Variants in ZCCHC2 observed in about 807,000 individuals in gnomAD.
ZCCHC2 encodes zinc finger CCHC-type containing 2.
Under a neutral mutation model 103.6 loss-of-function variants are expected in ZCCHC2, and 39 were observed. The observed-to-expected ratio is 0.38, with a 90% CI of 0.29 to 0.49. The LOEUF is 0.49. Ranked by LOEUF, ZCCHC2 falls within the 20% of genes least tolerant of loss-of-function variation. ZCCHC2 has a pLI of 0.96. For missense variants in ZCCHC2, 1,483 were observed against 1,491.0 expected, an observed-to-expected ratio of 0.99 and a Z score of 0.09; for synonymous variants, 687 against 608.9, an observed-to-expected ratio of 1.13 and a Z score of -1.89.
chr18:62,565,423 C>G (rs1214524110), intron 11 of ZCCHC2, among the ~76,000 whole-genome samples: 4 of 152,138 alleles, frequency 2.6e-5, no homozygotes, highest in South Asian at 2.1e-4. Context: ...GGAGATCTCT[C>G]CTGTGGCTTT....
intron 11 of ZCCHC2, among the ~76,000 whole-genome samples, chr18:62,567,924 G>A (rs187982666): frequency 2.2e-4 from 22 of 99,392 alleles, no homozygotes; most frequent in African/African-American, 1.0e-3. Context: ...CAGCCGGGGC[G>A]ACAGAATGAG....
Position 62,523,994 on chromosome 18 carries a change from T to A in ZCCHC2, c.570T>A (p.Arg190=), listed in dbSNP as rs1180564081. Residue 190 remains arginine, a synonymous_variant, in exon 1 of 14, where the codon CGT becomes CGA. Transcript: ENST00000269499. The part of the protein sequence containing the change: ...LGSENREAAG[R]LHRLLPQVDS... ...CGGAGAACCGGGAGGCCGCTGGCCGTCTGCACCGCCTGCTACCCCAGGTGG... is the reference window on the plus strand; with the variant it reads ...CGGAGAACCGGGAGGCCGCTGGCCGACTGCACCGCCTGCTACCCCAGGTGG... 6.7e-7 allele frequency: 1 copy of A among 1,489,776 alleles called. No homozygotes were observed. 92.3% of individuals were successfully genotyped at this position (1,489,776 alleles called of 1,614,324 possible).
chr18:62,570,800 TCTG>T (rs1365334788), intron 12 of ZCCHC2, among the ~76,000 whole-genome samples: 2 of 152,236 alleles, frequency 1.3e-5, no homozygotes, highest in Non-Finnish European at 2.9e-5. Context: ...TCTGCCGATC[TCTG>T]CTATTTGTCC....
rs1331200568 is a variant in ZCCHC2 at position 62,565,071 on chromosome 18, G to T, written c.1821G>T (p.Gln607His). The change falls in exon 11 of 14, where the codon CAG becomes CAT. Residue 607 changes from glutamine (Q) to histidine (H), a missense_variant. Physicochemically the swap from Gln to His is conservative, Grantham distance 24 (BLOSUM62 0). Transcript: ENST00000269499. The stretch of plus-strand genomic sequence containing the variant: ...ATGGTATTAGACTCTCCACTCCTCA[G>T]CATGCCCATGGTGGTACTGTGAAAG... The part of the protein sequence containing the change: ...RINGIRLSTP[Q>H]HAHGGTVKDV... 2 of 1,613,294 alleles carry T rather than the reference G, an allele frequency of 1.2e-6. No homozygotes were observed. The highest frequency in any genetic ancestry group is 2.2e-5 in the South Asian group (2 of 91,058).
intron 5 of ZCCHC2, among the ~76,000 whole-genome samples, chr18:62,552,832 G>C (rs1012469822): frequency 6.6e-6 from 1 of 151,202 alleles, no homozygotes; most frequent in African/African-American, 2.4e-5. Flanking sequence ...TGAGGCCGCA[G>C]TGAGCTATGA....
chr18:62,540,938 G>A (rs796703062), intron 2 of ZCCHC2, among the ~76,000 whole-genome samples: 4 of 152,218 alleles, frequency 2.6e-5, no homozygotes, highest in African/African-American at 9.6e-5. Flanking sequence ...GTGTTCCCAT[G>A]TCCTGTAATG....
chr18:62,531,349 G>A (rs1359835263), intron 1 of ZCCHC2, among the ~76,000 whole-genome samples: 1 of 152,144 alleles, frequency 6.6e-6, no homozygotes, highest in Non-Finnish European at 1.5e-5. Context: ...ATGCTCTCGG[G>A]AACATTTGAC....
intron 1 of ZCCHC2, among the ~76,000 whole-genome samples, chr18:62,529,666 A>G (rs1474384270): frequency 6.6e-6 from 1 of 152,142 alleles, no homozygotes; most frequent in East Asian, 1.9e-4. Flanking sequence ...CCCCAGTTAC[A>G]TTTTTCTATG....
At chr18:62,541,874 A>G (rs1241580390) in intron 2 of ZCCHC2, among the ~76,000 whole-genome samples, 1 of 152,196 alleles carries the variant, frequency 6.6e-6, no homozygotes, top group East Asian at 1.9e-4. Flanking sequence ...AAAGTTTAAT[A>G]TAATTTATGT....
At position 62,574,675 on chromosome 18, in the gene ZCCHC2, C is replaced by T. The variant is rs762756414; in HGVS notation, c.2594C>T (p.Thr865Met). The change falls in exon 13 of 14, where the codon ACG becomes ATG. Residue 865 changes from threonine (T) to methionine (M), a missense_variant. Physicochemically the swap from Thr to Met is moderately conservative, Grantham distance 81. Transcript: ENST00000269499. The stretch of plus-strand genomic sequence containing the variant: ...TTCCCAGGCTCTCCTGTTGCTACCA[C>T]GGACCCCATCACAAAATCTGCATCC... ...GSFPGSPVATTDPITKSASQV... is the reference protein window; with the variant it reads ...GSFPGSPVATMDPITKSASQV... 19 of 1,613,912 alleles carry T rather than the reference C, an allele frequency of 1.2e-5. No individual in the cohort carries two copies. Among genetic ancestry groups the T allele is most frequent in the Admixed American group, 5.0e-5 (3 of 60,008 alleles).
chr18:62,583,490 C>T (rs543159534), downstream of ZCCHC2, among the ~76,000 whole-genome samples: 64 of 152,286 alleles, frequency 4.2e-4, no homozygotes, highest in Non-Finnish European at 2.9e-5. Context: ...GTTTTCTTAA[C>T]AGCACCTAGT....
At chr18:62,531,718 A>T (rs987671654) in intron 1 of ZCCHC2, among the ~76,000 whole-genome samples, 1 of 151,740 alleles carries the variant, frequency 6.6e-6, no homozygotes, top group African/African-American at 2.4e-5. Context: ...AGGCTGAGGC[A>T]GAGGGATCGC....
chr18:62,584,423 T>A (rs1917120414), intron 14 of ZCCHC2: 1 of 152,160 alleles, frequency 6.6e-6, no homozygotes, highest in Non-Finnish European at 1.5e-5. Context: ...GGTTCTTCAT[T>A]GTTTTTCTTT....
intron 11 of ZCCHC2, among the ~76,000 whole-genome samples, chr18:62,569,866 G>GT (rs1215691336): frequency 6.6e-6 from 1 of 152,020 alleles, no homozygotes; most frequent in Non-Finnish European, 1.5e-5. Context: ...ACCTTAACTC[G>GT]TTTTTTCTTT....
At chr18:62,558,465 G>A (rs1327948235) in intron 6 of ZCCHC2, 1 of 309,902 alleles carries the variant, frequency 3.2e-6, no homozygotes, top group Non-Finnish European at 6.1e-6. Context: ...GAAATGACTT[G>A]TCCAGGTCAG....
Position 62,574,387 on chromosome 18 carries a change from C to A in ZCCHC2, c.2306C>A (p.Pro769His). 6.2e-7 allele frequency: 1 copy of A among 1,614,016 alleles called. No individual in the cohort carries two copies. The highest frequency in any genetic ancestry group is 8.5e-7 in the Non-Finnish European group (1 of 1,179,892). Residue 769 changes from proline (P) to histidine (H), a missense_variant, in exon 13 of 14, where the codon CCT becomes CAT. By Grantham distance (77) the Pro-to-His change is moderately conservative. Around this residue, in one of 3 missense-constraint regions of ZCCHC2, gnomAD observed 884 missense variants for 907.5 expected, o/e 0.97. Transcript: ENST00000269499. ...SAIRESANST[P>H]VGILGPTACT... is the part of the protein sequence containing the mutation. The stretch of plus-strand genomic sequence containing the variant: ...ATAAGGGAGTCTGCAAATTCAACCC[C>A]TGTTGGAATACTAGGGCCAACAGCT...
downstream of ZCCHC2, among the ~76,000 whole-genome samples, chr18:62,582,262 G>A (rs572120840): frequency 2.1e-4 from 32 of 152,240 alleles, no homozygotes; most frequent in Admixed American, 1.2e-3. Flanking sequence ...CAGGAGGGCC[G>A]AGACTAAGGT....
chr18:62,576,872 T>C lies in ZCCHC2; in HGVS notation c.*293T>C. ...TTTTTTTTTTTTTTACACTGAATAC[T>C]TGCTGTGTGCAATGTTTACTGAATC... On this transcript the variant is annotated 3_prime_UTR_variant, in exon 14 of 14. Transcript: ENST00000269499. 1 of 282,252 alleles carries C rather than the reference T, an allele frequency of 3.5e-6. No individual in the cohort carries two copies. The highest frequency in any genetic ancestry group is 7.4e-5 in the East Asian group (1 of 13,598). The allele number at this position is 282,252 out of a possible 1,614,324, so 17.5% of individuals were successfully genotyped here. A position where few individuals can be genotyped will look rare whatever the true frequency, so the allele number is the denominator to read the frequency against.
chr18:62,566,090 C>T (rs369761141), intron 11 of ZCCHC2, among the ~76,000 whole-genome samples: 3 of 152,100 alleles, frequency 2.0e-5, no homozygotes, highest in African/African-American at 4.8e-5. Context: ...ACTAAAAATA[C>T]GAAAATTAGC....
Sources: allele counts gnomAD v4.1 joint callset (sites outside exome capture counted in the v4.1 genomes callset), GRCh38; gene constraint gnomAD v4.1.1; regional missense constraint gnomAD v4.1.1; transcripts MANE v1.5; gene names NCBI Gene and HGNC (gene_info 2026-07-23, HGNC 2026-07-21).